Variants in FOXO1 observed in about 807,000 individuals in gnomAD.
FOXO1 encodes forkhead box O1, also known as forkhead box protein O1.
FOXO1 carries 6 observed loss-of-function variants against 44.1 expected under a neutral mutation model. The ratio of observed to expected loss-of-function variants is 0.14; its 90% CI spans 0.07 to 0.27. FOXO1 has a LOEUF of 0.27. FOXO1 is among the 10% of genes least tolerant of loss of function. FOXO1 has a pLI of 1.00. For missense variants in FOXO1, 737 were observed against 888.8 expected (o/e 0.83, Z 2.17); for synonymous variants, 380 against 362.7 (o/e 1.05, Z -0.54).
At chr13:40,623,258 AACAC>A (rs1876676546) in intron 1 of FOXO1, among the ~76,000 whole-genome samples, 1 of 152,188 alleles carries the variant, frequency 6.6e-6, no homozygotes, top group Admixed American at 6.5e-5. Flanking sequence ...CTGCTCTATG[AACAC>A]AGGCTTTTTT....
intron 1 of FOXO1, chr13:40,621,174 C>A (rs549670026): frequency 1.4e-4 from 75 of 534,834 alleles, no homozygotes; most frequent in Non-Finnish European, 2.4e-4. Context: ...TGATAGTGAA[C>A]CAGGTAAAAT....
rs745346628 is a variant in FOXO1, at chr13:40,560,877, C to A, written c.631-17G>T. ...AATTGAATTCTGTAAGGCAAAACATCTTATTAGAAGTACAATACTTCTCTG... is the reference window on the plus strand; with the variant it reads ...AATTGAATTCTGTAAGGCAAAACATATTATTAGAAGTACAATACTTCTCTG... On this transcript the variant is annotated splice_polypyrimidine_tract_variant and intron_variant, in intron 1 of 2. Coordinates refer to ENST00000379561, the MANE Select transcript of FOXO1 (RefSeq NM_002015.4). The surrounding 1 kb of genome is among the most constrained non-coding windows in gnomAD (Gnocchi z 5.1). 1.9e-6 allele frequency: 3 copies of A among 1,581,692 alleles called. No individual in the cohort carries two copies. The Admixed American group carries it at 5.5e-5, about 29-fold the overall frequency.
intron 1 of FOXO1, among the ~76,000 whole-genome samples, chr13:40,598,381 C>A (rs1380882875): frequency 2.0e-5 from 3 of 152,122 alleles, no homozygotes; most frequent in South Asian, 2.1e-4. Context: ...AAATAAATTT[C>A]TTTCCCTAAA....
intron 1 of FOXO1, among the ~76,000 whole-genome samples, chr13:40,567,031 T>C (rs1420041159): frequency 6.6e-6 from 1 of 152,094 alleles, no homozygotes; most frequent in Non-Finnish European, 1.5e-5. Flanking sequence ...GCCACTTCTC[T>C]TCACCCTGGC....
At chr13:40,592,197 C>G (rs529697140) in intron 1 of FOXO1, among the ~76,000 whole-genome samples, 3 of 152,296 alleles carry the variant, frequency 2.0e-5, no homozygotes, top group South Asian at 4.1e-4. Context: ...CAATCCCCAT[C>G]TTATTCAATC....
intron 1 of FOXO1, among the ~76,000 whole-genome samples, chr13:40,659,436 G>A (rs1054443232): frequency 6.6e-6 from 1 of 151,136 alleles, no homozygotes; most frequent in Non-Finnish European, 1.5e-5. Context: ...GGGCTACACA[G>A]GCTAATTCCC....
Position 40,626,391 on chromosome 13 carries a change from A to ATGACCTCT in FOXO1, c.630+39184_630+39191dup, listed in dbSNP as rs1222062436. Reference sequence around the variant, plus strand: ...AACAGTTTACAACACTGAAAGCCTAATGACCTCTAAAGCTGTCCTGCTGGT... The same window carrying ATGACCTCT: ...AACAGTTTACAACACTGAAAGCCTAATGACCTCTTGACCTCTAAAGCTGTCCTGCTGGT... On this transcript the variant is annotated intron_variant, in intron 1 of 2. Coordinates refer to ENST00000379561, the MANE Select transcript of FOXO1 (RefSeq NM_002015.4). 5.3e-5 allele frequency among the ~76,000 whole-genome samples: 8 copies of ATGACCTCT among 152,372 alleles called. No individual in the cohort carries two copies. The East Asian group carries it at 1.2e-3, about 22-fold the overall frequency.
At chr13:40,643,931 A>T (rs1327385207) in intron 1 of FOXO1, among the ~76,000 whole-genome samples, 1 of 152,220 alleles carries the variant, frequency 6.6e-6, no homozygotes, top group African/African-American at 2.4e-5. Context: ...TACCGCAGTG[A>T]TGTGACTTGT....
chr13:40,581,912 A>G (rs1302637701), intron 1 of FOXO1, among the ~76,000 whole-genome samples: 2 of 152,226 alleles, frequency 1.3e-5, no homozygotes, highest in African/African-American at 4.8e-5. Context: ...CAGCCAGGGT[A>G]CGGGCTTCTG....
intron 1 of FOXO1, among the ~76,000 whole-genome samples, chr13:40,656,310 A>G (rs1877858609): frequency 6.6e-6 from 1 of 152,252 alleles, no homozygotes; most frequent in Non-Finnish European, 1.5e-5. Context: ...TATCTTTTCA[A>G]GCCAATATAA....
chr13:40,560,465 A>T lies in FOXO1; in HGVS notation c.1026T>A (p.Asp342Glu), dbSNP rs377391562. The change falls in exon 2 of 3, where the codon GAT becomes GAA. Residue 342 changes from aspartate to glutamate, a missense_variant. This residue lies in a region of FOXO1 where 136 missense variants were observed against 186.4 expected (regional missense o/e 0.73). Coordinates refer to ENST00000379561, the MANE Select transcript of FOXO1 (RefSeq NM_002015.4). The surrounding 1 kb of genome is among the most constrained non-coding windows in gnomAD (Gnocchi z 5.1). ...MTEQDDLGEG[D>E]VHSMVYPPSA... ...ATGGCGGGTACACCATAGAATGCAC[A>T]TCCCCTTCTCCAAGATCATCCTGTT... The T allele has an allele frequency of 6.2e-7, 1 of 1,614,176 alleles. No homozygotes were observed. Among genetic ancestry groups the T allele is most frequent in the Non-Finnish European group, 8.5e-7 (1 of 1,180,024 alleles).
At chr13:40,590,209 G>A (rs1875316583) in intron 1 of FOXO1, among the ~76,000 whole-genome samples, 1 of 152,154 alleles carries the variant, frequency 6.6e-6, no homozygotes, top group Non-Finnish European at 1.5e-5. Flanking sequence ...AAGCCATTCA[G>A]ATAAACAAGA....
In FOXO1 at chr13:40,618,796, G is replaced by A. The variant is rs780421778; in HGVS notation, c.630+46787C>T. ...GGTGACGAAACCTTATCTCAAGACC[G>A]TAATCATTTGTGAAAATGGGAGAAG... On this transcript the variant is annotated intron_variant, in intron 1 of 2. Coordinates refer to ENST00000379561, the MANE Select transcript of FOXO1 (RefSeq NM_002015.4). 108 of 521,012 alleles carry A rather than the reference G, an allele frequency of 2.1e-4. 1 individual carries two copies. The highest frequency in any genetic ancestry group is 2.8e-4 in the Non-Finnish European group (73 of 259,328). 32.3% of individuals were successfully genotyped at this position (521,012 alleles called of 1,614,324 possible).
At chr13:40,579,188 G>A (rs1352890092) in intron 1 of FOXO1, among the ~76,000 whole-genome samples, 1 of 152,198 alleles carries the variant, frequency 6.6e-6, no homozygotes, top group African/African-American at 2.4e-5. Flanking sequence ...AAGGTAGAAG[G>A]AGGGGCTCTC....
At chr13:40,657,645 T>C (rs1877900222) in intron 1 of FOXO1, among the ~76,000 whole-genome samples, 1 of 152,196 alleles carries the variant, frequency 6.6e-6, no homozygotes, top group Non-Finnish European at 1.5e-5. Context: ...AATCTCCCAT[T>C]TTCAAAGCCT....
intron 1 of FOXO1, among the ~76,000 whole-genome samples, chr13:40,628,211 G>A (rs777062435): frequency 6.6e-6 from 1 of 151,998 alleles, no homozygotes; most frequent in Non-Finnish European, 1.5e-5. Flanking sequence ...CTTCTTGGGG[G>A]CAGGAGTAAA....
Position 40,573,607 on chromosome 13 carries a change from G to A in FOXO1, c.631-12747C>T, listed in dbSNP as rs151298519. The stretch of plus-strand genomic sequence containing the variant: ...ATGTTTTATTCTAATGCTGCAGTTC[G>A]AATCATGTCTTTTTTGGAAACATGG... On this transcript the variant is annotated intron_variant, in intron 1 of 2. Transcript: ENST00000379561. Among the ~76,000 whole-genome samples, 125 of 152,254 alleles carry A rather than the reference G, an allele frequency of 8.2e-4. 1 individual carries two copies. Among genetic ancestry groups the A allele is most frequent in the African/African-American group, 2.6e-3 (110 of 41,552 alleles).
At chr13:40,597,523 C>G (rs1395614560) in intron 1 of FOXO1, among the ~76,000 whole-genome samples, 1 of 152,184 alleles carries the variant, frequency 6.6e-6, no homozygotes, top group African/African-American at 2.4e-5. Flanking sequence ...CAGCCCACCA[C>G]CTGGAGGCCC....
chr13:40,630,354 T>C (rs1034620979), intron 1 of FOXO1, among the ~76,000 whole-genome samples: 1 of 152,062 alleles, frequency 6.6e-6, no homozygotes, highest in African/African-American at 2.4e-5. Context: ...CAAAAATCAT[T>C]TGTCAACATG....
Sources: gnomAD v4.1 joint callset for allele counts (sites outside exome capture counted in the v4.1 genomes callset) on GRCh38, gnomAD v4.1.1 for gene constraint, gnomAD v4.1.1 regional missense constraint, Gnocchi (gnomAD v3.1) non-coding constraint, MANE v1.5 for transcripts, NCBI Gene and HGNC (gene_info 2026-07-23, HGNC 2026-07-21) for gene names.